TLR6: variants seen among roughly 807,000 people sequenced by gnomAD.
TLR6 encodes the protein toll like receptor 6.
Under a neutral mutation model 16.1 loss-of-function variants are expected in TLR6, and 9 were observed. That is an observed-to-expected ratio of 0.56 (90% CI 0.34 to 0.98). The LOEUF is 0.98. Ranked by LOEUF, TLR6 falls within the 50% of genes least tolerant of loss-of-function variation. The pLI is 0.02. For missense variants in TLR6, 786 were observed against 921.0 expected (o/e 0.85, Z 1.90); for synonymous variants, 340 against 338.6 (o/e 1.00, Z -0.04).
At chr4:38,846,773 G>A (rs1362575178) in intron 1 of TLR6, among the ~76,000 whole-genome samples, 2 of 152,086 alleles carry the variant, frequency 1.3e-5, no homozygotes, top group African/African-American at 2.4e-5. Flanking sequence ...GGTGGGGTAG[G>A]GAGGGAGAGA....
intron 1 of TLR6, among the ~76,000 whole-genome samples, chr4:38,841,950 C>T (rs1712283787): frequency 6.6e-6 from 1 of 152,010 alleles, no homozygotes; most frequent in South Asian, 2.1e-4. Context: ...TCAAATAAAT[C>T]GCCTTTCAAA....
chr4:38,845,172 C>A (rs1349424265), intron 1 of TLR6, among the ~76,000 whole-genome samples: 3 of 152,202 alleles, frequency 2.0e-5, no homozygotes, highest in Non-Finnish European at 2.9e-5. Context: ...TAAGTTATAT[C>A]TCTATCTATC....
At position 38,827,126 on chromosome 4, in the gene TLR6, A is replaced by G. The variant is rs375175794; in HGVS notation, c.2348T>C (p.Met783Thr). Residue 783 changes from methionine to threonine, a missense_variant, in exon 2 of 2, where the codon ATG becomes ACG. Coordinates refer to ENST00000436693, the Ensembl canonical transcript of TLR6. ...GTTTTCAGTGACTAGTGTTAATTTC[A>G]TATTAAAAGCGGCTCTAATGTTAGC... 7 of 1,604,158 alleles carry G rather than the reference A, an allele frequency of 4.4e-6. No homozygotes were observed. Among genetic ancestry groups the G allele is most frequent in the Middle Eastern group, 3.3e-4 (2 of 6,028 alleles).
chr4:38,848,826 G>A (rs1223584117), intron 1 of TLR6, among the ~76,000 whole-genome samples: 1 of 152,198 alleles, frequency 6.6e-6, no homozygotes, highest in Admixed American at 6.5e-5. Context: ...AATTGACGGG[G>A]AGAATGGAAC....
At chr4:38,854,561 T>TA (rs1712895358) in intron 1 of TLR6, among the ~76,000 whole-genome samples, 2 of 152,074 alleles carry the variant, frequency 1.3e-5, no homozygotes, top group South Asian at 4.1e-4. Context: ...TAGGGAAAAT[T>TA]AAAAAATATA....
At chr4:38,858,426 A>G (rs1380388799), upstream of TLR6, among the ~76,000 whole-genome samples, 1 of 152,138 alleles carries the variant, frequency 6.6e-6, no homozygotes, top group Admixed American at 6.6e-5. Context: ...AAGTGAAGAA[A>G]ATCAAGGTGC....
At chr4:38,866,450 G>A in the TLR6 span, among the ~76,000 whole-genome samples, 3 of 151,734 alleles carry the variant, frequency 2.0e-5, no homozygotes, top group Non-Finnish European at 4.4e-5. Flanking sequence ...CTGAGATCAC[G>A]CCACTGCTTT....
chr4:38,837,356 A>G (rs1180266886), intron 1 of TLR6, among the ~76,000 whole-genome samples: 4 of 152,250 alleles, frequency 2.6e-5, no homozygotes, highest in Non-Finnish European at 5.9e-5. Context: ...CAAAAGTAGC[A>G]TGGTATTGGT....
At chr4:38,827,816 T>C in exon 2 of TLR6, 1 of 1,614,266 alleles carries the variant, frequency 6.2e-7, no homozygotes, top group Non-Finnish European at 8.5e-7. Context: ...AGGCCAGCCC[T>C]CTAACACTTC....
At chr4:38,846,543 C>T (rs1014307162) in intron 1 of TLR6, among the ~76,000 whole-genome samples, 1 of 152,016 alleles carries the variant, frequency 6.6e-6, no homozygotes, top group Admixed American at 6.5e-5. Flanking sequence ...TACTAAAATG[C>T]TAAAAGACAT....
chr4:38,838,183 C>T (rs1159349597), intron 1 of TLR6, among the ~76,000 whole-genome samples: 1 of 152,134 alleles, frequency 6.6e-6, no homozygotes, highest in Non-Finnish European at 1.5e-5. Context: ...GAGAACAGTA[C>T]AGAGTTGTCT....
chr4:38,832,941 T>C (rs1417576810), intron 1 of TLR6, among the ~76,000 whole-genome samples: 1 of 152,054 alleles, frequency 6.6e-6, no homozygotes, highest in Non-Finnish European at 1.5e-5. Flanking sequence ...CTACGACACA[T>C]CTACACATGC....
At position 38,837,366 on chromosome 4, in the gene TLR6, T is replaced by C. The variant is rs930196049; in HGVS notation, c.-64-7829A>G. On this transcript the variant is annotated intron_variant, in intron 1 of 1. Coordinates refer to ENST00000436693, the Ensembl canonical transcript of TLR6. ...CAAAGCAAAAGTAGCATGGTATTGG[T>C]ACAAAAACAGATACATAGACCAATA... 7.2e-5 allele frequency among the ~76,000 whole-genome samples: 11 copies of C among 152,236 alleles called. 1 individual carries two copies. In the South Asian group the frequency reaches 2.3e-3, roughly 32 times the overall value.
chr4:38,832,558 C>T (rs1039452206), intron 1 of TLR6, among the ~76,000 whole-genome samples: 10 of 152,246 alleles, frequency 6.6e-5, no homozygotes, highest in African/African-American at 2.2e-4. Context: ...CACATTGGGT[C>T]CCACATACCC....
chr4:38,845,306 A>G (rs1332459187), intron 1 of TLR6, among the ~76,000 whole-genome samples: 1 of 152,236 alleles, frequency 6.6e-6, no homozygotes, highest in African/African-American at 2.4e-5. Flanking sequence ...CTATGACAGA[A>G]TACTGGCCTC....
At chr4:38,861,343 T>G (rs924340741), upstream of TLR6, among the ~76,000 whole-genome samples, 1 of 152,136 alleles carries the variant, frequency 6.6e-6, no homozygotes, top group African/African-American at 2.4e-5. Flanking sequence ...ACCTCAGTCA[T>G]GCATTCCCTT....
chr4:38,843,372 A>G (rs1382451785), intron 1 of TLR6, among the ~76,000 whole-genome samples: 2 of 152,224 alleles, frequency 1.3e-5, no homozygotes, highest in African/African-American at 4.8e-5. Flanking sequence ...TTGAGAGCAG[A>G]TTACCAAAAT....
upstream of TLR6, among the ~76,000 whole-genome samples, chr4:38,857,521 A>C (rs1455636992): frequency 3.9e-5 from 6 of 152,184 alleles, no homozygotes; most frequent in East Asian, 1.2e-3. Context: ...CTCTGGTTAA[A>C]CAGAGACTTC....
At chr4:38,849,129 T>G (rs1009095612) in intron 1 of TLR6, among the ~76,000 whole-genome samples, 10 of 152,174 alleles carry the variant, frequency 6.6e-5, no homozygotes, top group African/African-American at 2.4e-4. Flanking sequence ...ATATTCAACG[T>G]TCTTAAAGAA....
Sources: gnomAD v4.1 joint callset for allele counts (sites outside exome capture counted in the v4.1 genomes callset) on GRCh38, gnomAD v4.1.1 for gene constraint, MANE v1.5 for transcripts, NCBI Gene and HGNC (gene_info 2026-07-23, HGNC 2026-07-21) for gene names.